Variants in UBE2M observed in about 807,000 individuals in gnomAD.
UBE2M encodes NEDD8-conjugating enzyme Ubc12.
A neutral mutation model predicts 23.5 loss-of-function variants in UBE2M; 2 were observed. The observed-to-expected ratio is 0.09, with a 90% CI of 0.03 to 0.27. The LOEUF (loss-of-function observed/expected upper bound fraction) is 0.27. UBE2M is among the 10% of genes least tolerant of loss of function. The pLI is 1.00. For missense variants in UBE2M, 103 were observed against 232.9 expected (o/e 0.44, Z 3.63); for synonymous variants, 97 against 95.2 (o/e 1.02, Z -0.11).
At position 58,556,241 on chromosome 19, in the gene UBE2M, A is replaced by G; in HGVS notation, c.412-12T>C. 1.9e-6 allele frequency: 3 copies of G among 1,613,992 alleles called. No homozygotes were observed. Among genetic ancestry groups the G allele is most frequent in the Non-Finnish European group, 2.5e-6 (3 of 1,179,876 alleles). The stretch of plus-strand genomic sequence containing the variant: ...TCGGGGTTGGGCTCCTGTGGCCAGT[A>G]CAGGTAGGGGGGGTCAACAGGCCAG... On this transcript the variant is annotated splice_polypyrimidine_tract_variant and intron_variant, in intron 5 of 5. Coordinates refer to ENST00000253023, the MANE Select transcript of UBE2M (RefSeq NM_003969.4). The surrounding 1 kb of genome is among the most constrained non-coding windows in gnomAD (Gnocchi z 4.9).
Position 58,558,130 on chromosome 19 carries a change from C to A in UBE2M, c.109+143G>T. On this transcript the variant is annotated intron_variant, in intron 1 of 5. Coordinates refer to ENST00000253023, the MANE Select transcript of UBE2M (RefSeq NM_003969.4). This position sits in a 1 kb window ranked among gnomAD's most constrained non-coding sequence, Gnocchi z 4.7. ...GACTGCATGATCCCAACCCTCAAGA[C>A]TTGACCTCCGACCCCCCCCACGCTC... The A allele has an allele frequency of 1.6e-6, 1 of 634,938 alleles. No homozygotes were observed. The highest frequency in any genetic ancestry group is 2.6e-6 in the Non-Finnish European group (1 of 379,116). The allele number at this position is 634,938 out of a possible 1,614,324, so 39.3% of individuals were successfully genotyped here.
chr19:58,558,205 C>A lies in UBE2M; in HGVS notation c.109+68G>T. Reference sequence around the variant, plus strand: ...GCAACCGCATTACCCCTTCCTGACTCCCACATCACCCTGCCTCAGGCCCTG... The same window carrying A: ...GCAACCGCATTACCCCTTCCTGACTACCACATCACCCTGCCTCAGGCCCTG... On this transcript the variant is annotated intron_variant, in intron 1 of 5. Transcript: ENST00000253023. The surrounding 1 kb of genome is among the most constrained non-coding windows in gnomAD (Gnocchi z 4.7). 2 of 1,392,024 alleles carry A rather than the reference C, an allele frequency of 1.4e-6. No individual in the cohort carries two copies. The highest frequency in any genetic ancestry group is 2.0e-6 in the Non-Finnish European group (2 of 1,017,442). 86.2% of individuals were successfully genotyped at this position (1,392,024 alleles called of 1,614,324 possible).
chr19:58,557,690 C>G (rs961895518), intron 1 of UBE2M, among the ~76,000 whole-genome samples: 2 of 138,684 alleles, frequency 1.4e-5, no homozygotes, highest in Non-Finnish European at 1.5e-5. Flanking sequence ...CTCTGAGGTT[C>G]ACAGCACAAT....
chr19:58,556,217 C>A lies in UBE2M; in HGVS notation c.424G>T (p.Glu142Ter). 6.2e-7 allele frequency: 1 copy of A among 1,614,128 alleles called. No homozygotes were observed. Among genetic ancestry groups the A allele is most frequent in the Non-Finnish European group, 8.5e-7 (1 of 1,179,996 alleles). The change falls in exon 6 of 6, where the codon GAG (glutamate) becomes TAG (stop). Residue 142 changes from glutamate to a stop codon, truncating the protein, a stop_gained. Coordinates refer to ENST00000253023, the MANE Select transcript of UBE2M (RefSeq NM_003969.4). LOFTEE classifies it high-confidence loss of function. This position sits in a 1 kb window ranked among gnomAD's most constrained non-coding sequence, Gnocchi z 4.9. ...LQYLFLEPNP[E>*]DPLNKEAAEV... is the part of the protein sequence containing the mutation. The stretch of plus-strand genomic sequence containing the variant: ...GCGGCCTCCTTGTTCAGTGGGTCCT[C>A]GGGGTTGGGCTCCTGTGGCCAGTAC...
At position 58,556,227 on chromosome 19, in the gene UBE2M, C is replaced by T; in HGVS notation, c.414G>A (p.Glu138=). The T allele has an allele frequency of 6.2e-7, 1 of 1,614,122 alleles. No individual in the cohort carries two copies. The highest frequency in any genetic ancestry group is 1.1e-5 in the South Asian group (1 of 91,090). ...TGTTCAGTGGGTCCTCGGGGTTGGGCTCCTGTGGCCAGTACAGGTAGGGGG... is the reference window on the plus strand; with the variant it reads ...TGTTCAGTGGGTCCTCGGGGTTGGGTTCCTGTGGCCAGTACAGGTAGGGGG... The part of the protein sequence containing the change: ...IIYGLQYLFL[E]PNPEDPLNKE... The change falls in exon 6 of 6, where the codon GAG becomes GAA. Residue 138 remains glutamate (E), a splice_region_variant and synonymous_variant. Transcript: ENST00000253023. The surrounding 1 kb of genome is among the most constrained non-coding windows in gnomAD (Gnocchi z 4.9).
chr19:58,558,342 C>T lies in UBE2M; in HGVS notation c.40G>A (p.Glu14Lys). The T allele has an allele frequency of 6.3e-7, 1 of 1,595,182 alleles. No homozygotes were observed. The change falls in exon 1 of 6, where the codon GAG becomes AAG. Residue 14 changes from glutamate to lysine, a missense_variant. By Grantham distance (56) the Glu-to-Lys change is moderately conservative (BLOSUM62 1). This residue lies in a region of UBE2M where 57 missense variants were observed against 103.3 expected (regional missense o/e 0.55). Coordinates refer to ENST00000253023, the MANE Select transcript of UBE2M (RefSeq NM_003969.4). The surrounding 1 kb of genome is among the most constrained non-coding windows in gnomAD (Gnocchi z 4.7). ...LFSLKQQKKE[E>K]ESAGGTKGSS... ...CCCTTGGTGCCGCCCGCCGACTCCT[C>T]CTCCTTCTTCTGCTGCTTCAGCGAG...
In UBE2M at chr19:58,556,354, T is replaced by C; in HGVS notation, c.373A>G (p.Ile125Val). ...TGCAGGCCATAAATTATGGAGTTTA[T>C]CGTAAGGACTGGCTTCCAGTCCTCT... ...LREDWKPVLTINSIIYGLQYL... is the reference protein window; with the variant it reads ...LREDWKPVLTVNSIIYGLQYL... Residue 125 changes from isoleucine to valine, a missense_variant, in exon 5 of 6, where the codon ATA (isoleucine) becomes GTA (valine). By Grantham distance (29) the Ile-to-Val change is conservative. Coordinates refer to ENST00000253023, the MANE Select transcript of UBE2M (RefSeq NM_003969.4). This position sits in a 1 kb window ranked among gnomAD's most constrained non-coding sequence, Gnocchi z 4.9. 1.2e-6 allele frequency: 2 copies of C among 1,613,968 alleles called. No homozygotes were observed. Among genetic ancestry groups the C allele is most frequent in the Non-Finnish European group, 1.7e-6 (2 of 1,179,994 alleles).
In UBE2M at chr19:58,556,454, T is replaced by C; in HGVS notation, c.348-75A>G. 1.3e-6 allele frequency: 2 copies of C among 1,508,964 alleles called. No individual in the cohort carries two copies. The highest frequency in any genetic ancestry group is 1.8e-6 in the Non-Finnish European group (2 of 1,092,610). 93.5% of individuals were successfully genotyped at this position (1,508,964 alleles called of 1,614,324 possible). A position where few individuals can be genotyped will look rare whatever the true frequency, so the allele number is the denominator to read the frequency against. On this transcript the variant is annotated intron_variant, in intron 4 of 5. Coordinates refer to ENST00000253023, the MANE Select transcript of UBE2M (RefSeq NM_003969.4). This position sits in a 1 kb window ranked among gnomAD's most constrained non-coding sequence, Gnocchi z 4.9. ...ACAGGCCCCTCTGGTGTTGGGCAGG[T>C]CAGATCCAGGGCATAGGAGAGTGAG...
rs2053903211 is a variant in UBE2M at position 58,557,929 on chromosome 19, T to A, written c.109+344A>T. Among the ~76,000 whole-genome samples, 5 of 151,944 alleles carry A rather than the reference T, an allele frequency of 3.3e-5. No homozygotes were observed. The South Asian group carries it at 8.3e-4, about 25-fold the overall frequency. The stretch of plus-strand genomic sequence containing the variant: ...ACCCCTGGCCTCTACTATCCCTCTC[T>A]TCTCCGCCTGTCACCCCAAACCCAA... On this transcript the variant is annotated intron_variant, in intron 1 of 5. Transcript: ENST00000253023.
Position 58,556,621 on chromosome 19 carries a change from C to A in UBE2M, c.347+66G>T. 7.2e-7 allele frequency: 1 copy of A among 1,388,210 alleles called. No homozygotes were observed. The highest frequency in any genetic ancestry group is 1.4e-5 in the South Asian group (1 of 71,344). The allele number at this position is 1,388,210 out of a possible 1,614,324, so 86.0% of individuals were successfully genotyped here. A position where few individuals can be genotyped will look rare whatever the true frequency, so the allele number is the denominator to read the frequency against. On this transcript the variant is annotated intron_variant, in intron 4 of 5. Coordinates refer to ENST00000253023, the MANE Select transcript of UBE2M (RefSeq NM_003969.4). The surrounding 1 kb of genome is among the most constrained non-coding windows in gnomAD (Gnocchi z 4.9). ...AAGGGACAGAGTCTGATGTAGTGCC[C>A]ACAAGACCATGAGGGAGGCCTGGCA... is the stretch of plus-strand genomic sequence containing the variant.
chr19:58,557,892 C>T (rs1453782719), intron 1 of UBE2M, among the ~76,000 whole-genome samples: 4 of 151,894 alleles, frequency 2.6e-5, no homozygotes, highest in African/African-American at 9.7e-5. Context: ...TCCTCTTCCA[C>T]TCATATCCCC....
Position 58,556,855 on chromosome 19 carries a change from C to T in UBE2M, c.243+37G>A. On this transcript the variant is annotated intron_variant, in intron 3 of 5. Transcript: ENST00000253023. The surrounding 1 kb of genome is among the most constrained non-coding windows in gnomAD (Gnocchi z 4.9). ...GGAAGGGCCTCAGCTGCTGCCTCCTCTGTCCAGGGAGCCATCCCTGCCCGC... is the reference window on the plus strand; with the variant it reads ...GGAAGGGCCTCAGCTGCTGCCTCCTTTGTCCAGGGAGCCATCCCTGCCCGC... The T allele has an allele frequency of 6.2e-7, 1 of 1,613,956 alleles. No individual in the cohort carries two copies. The highest frequency in any genetic ancestry group is 1.1e-5 in the South Asian group (1 of 91,074).
Position 58,556,581 on chromosome 19 carries a change from C to G in UBE2M, c.347+106G>C, listed in dbSNP as rs2053892104. On this transcript the variant is annotated intron_variant, in intron 4 of 5. Transcript: ENST00000253023. This position sits in a 1 kb window ranked among gnomAD's most constrained non-coding sequence, Gnocchi z 4.9. ...GACTGGGAAATCAAGAAACCACAGA[C>G]AACAAAGGGGTGGGAAGGGACAGAG... is the stretch of plus-strand genomic sequence containing the variant. The G allele has an allele frequency of 1.7e-6, 2 of 1,180,834 alleles. No individual in the cohort carries two copies. Among genetic ancestry groups the G allele is most frequent in the East Asian group, 4.9e-5 (2 of 40,846 alleles). The allele number at this position is 1,180,834 out of a possible 1,614,324, so 73.1% of individuals were successfully genotyped here.
In UBE2M at chr19:58,556,141, G is replaced by A; in HGVS notation, c.500C>T (p.Ser167Phe). The change falls in exon 6 of 6, where the codon TCC becomes TTC. Residue 167 changes from serine (S) to phenylalanine (F), a missense_variant. Ser to Phe is a radical substitution (Grantham distance 155). Coordinates refer to ENST00000253023, the MANE Select transcript of UBE2M (RefSeq NM_003969.4). This position sits in a 1 kb window ranked among gnomAD's most constrained non-coding sequence, Gnocchi z 4.9. Reference protein sequence around the residue: ...RRLFEQNVQRSMRGGYIGSTY... With the variant: ...RRLFEQNVQRFMRGGYIGSTY... The stretch of plus-strand genomic sequence containing the variant: ...GGAGCCGATGTAGCCACCCCGCATG[G>A]AGCGCTGCACGTTCTGCTCAAACAG... 1 of 1,613,736 alleles carries A rather than the reference G, an allele frequency of 6.2e-7. No homozygotes were observed. The highest frequency in any genetic ancestry group is 8.5e-7 in the Non-Finnish European group (1 of 1,179,944).
At position 58,557,216 on chromosome 19, in the gene UBE2M, GGGAGCCAGCA is replaced by G. The variant is rs2053897720; in HGVS notation, c.110-69_110-60del. ...AGAGGGAGGGGAAGAGAGAGAGAGA[GGGAGCCAGCA>G]GGACACTTAGGGCGGGTGTTTGTTA... On this transcript the variant is annotated intron_variant, in intron 1 of 5. Transcript: ENST00000253023. 1.0e-5 allele frequency: 15 copies of G among 1,491,180 alleles called. No individual in the cohort carries two copies. In the East Asian group the frequency reaches 3.4e-4, roughly 34 times the overall value. The allele number at this position is 1,491,180 out of a possible 1,614,324, so 92.4% of individuals were successfully genotyped here. A position where few individuals can be genotyped will look rare whatever the true frequency, so the allele number is the denominator to read the frequency against.
At chr19:58,557,182 G>A in intron 1 of UBE2M, 25 bp from the exon 2 acceptor site, 1 of 1,609,142 alleles carries the variant, frequency 6.2e-7, no homozygotes, top group African/African-American at 1.3e-5. Flanking sequence ...CAGAGAGTCG[G>A]GAACAGAAAG....
Position 58,558,241 on chromosome 19 carries a change from T to C in UBE2M, c.109+32A>G. The C allele has an allele frequency of 6.3e-7, 1 of 1,578,100 alleles. No homozygotes were observed. The highest frequency in any genetic ancestry group is 1.1e-5 in the South Asian group (1 of 88,626). On this transcript the variant is annotated intron_variant, in intron 1 of 5. Transcript: ENST00000253023. This position sits in a 1 kb window ranked among gnomAD's most constrained non-coding sequence, Gnocchi z 4.7. The stretch of plus-strand genomic sequence containing the variant: ...CTGCCTCAGGCCCTGACCTCCGACC[T>C]CCGGCTCCAACCCCATCCCCTGACC...
In UBE2M at chr19:58,557,124, T is replaced by C. The variant is rs1167288429; in HGVS notation, c.143A>G (p.Asp48Gly). ...INELNLPKTCDISFSDPDDLL... is the reference protein window; with the variant it reads ...INELNLPKTCGISFSDPDDLL... ...GTCGTCTGGATCTGAGAAGCTGATA[T>C]CACACGTCTTGGGCAGGTTCAGCTC... is the stretch of plus-strand genomic sequence containing the variant. The change falls in exon 2 of 6, where the codon GAT becomes GGT. Residue 48 changes from aspartate (D) to glycine (G), a missense_variant. This residue lies in a region of UBE2M where 57 missense variants were observed against 103.3 expected (regional missense o/e 0.55). Coordinates refer to ENST00000253023, the MANE Select transcript of UBE2M (RefSeq NM_003969.4). The C allele has an allele frequency of 6.2e-7, 1 of 1,613,990 alleles. No individual in the cohort carries two copies. Among genetic ancestry groups the C allele is most frequent in the Admixed American group, 1.7e-5 (1 of 60,018 alleles).
At position 58,557,398 on chromosome 19, in the gene UBE2M, C is replaced by T. The variant is rs546920628; in HGVS notation, c.110-241G>A. 5.9e-5 allele frequency among the ~76,000 whole-genome samples: 9 copies of T among 152,066 alleles called. No homozygotes were observed. In the South Asian group the frequency reaches 1.5e-3, roughly 25 times the overall value. On this transcript the variant is annotated intron_variant, in intron 1 of 5. Transcript: ENST00000253023. Reference sequence around the variant, plus strand: ...TGCATGTTCAGCTGTGTATGCGTGTCCCAACTCCTGGCCCAGGGTGACCCC... The same window carrying T: ...TGCATGTTCAGCTGTGTATGCGTGTTCCAACTCCTGGCCCAGGGTGACCCC...
Sources: gnomAD v4.1 joint callset for allele counts (sites outside exome capture counted in the v4.1 genomes callset) on GRCh38, gnomAD v4.1.1 for gene constraint, gnomAD v4.1.1 regional missense constraint, Gnocchi (gnomAD v3.1) non-coding constraint, MANE v1.5 for transcripts, NCBI Gene and HGNC (gene_info 2026-07-23, HGNC 2026-07-21) for gene names.